The following WSCD2 variants were observed in gnomAD, a reference collection of about 807,000 sequenced individuals.
WSCD2 encodes the protein sialate:O-sulfotransferase 2.
A neutral mutation model predicts 55.7 loss-of-function variants in WSCD2; 28 were observed. The observed-to-expected ratio is 0.50, with a 90% CI of 0.37 to 0.69. The LOEUF (loss-of-function observed/expected upper bound fraction) is 0.69, where lower values mean the gene tolerates loss of function less well. Ranked by LOEUF, WSCD2 falls within the 30% of genes least tolerant of loss-of-function variation. WSCD2 has a pLI of 0.00. For synonymous variants in WSCD2, 301 were observed against 301.9 expected, an observed-to-expected ratio of 1.00 and a Z score of 0.03; for missense variants, 616 against 762.1, an observed-to-expected ratio of 0.81 and a Z score of 2.26.
chr12:108,204,955 T>C (rs1310917665), intron 2 of WSCD2, among the ~76,000 whole-genome samples: 1 of 152,214 alleles, frequency 6.6e-6, no homozygotes, highest in Non-Finnish European at 1.5e-5. Flanking sequence ...TCATTCCCTA[T>C]AAGGGACATT....
intron 2 of WSCD2, chr12:108,196,936 GAAGGGAAGACAC>G: frequency 6.6e-6 from 1 of 152,398 alleles, no homozygotes; most frequent in Non-Finnish European, 1.5e-5. Context: ...GAGGCTTGAA[GAAGGGAAGACAC>G]TTGCCCAAAG....
intron 6 of WSCD2, among the ~76,000 whole-genome samples, chr12:108,228,613 G>C (rs1888396408): frequency 6.6e-6 from 1 of 152,230 alleles, no homozygotes. Flanking sequence ...ACAGCCAACA[G>C]AAAAAGTGGT....
intron 7 of WSCD2, 145 bp downstream of exon 7, chr12:108,233,040 G>A: frequency 1.8e-6 from 2 of 1,095,178 alleles, no homozygotes; most frequent in East Asian, 2.6e-5. Context: ...CTCACTGCAT[G>A]CTTGGTACCC....
intron 1 of WSCD2, among the ~76,000 whole-genome samples, chr12:108,187,651 G>A (rs1882673414): frequency 6.6e-6 from 1 of 152,228 alleles, no homozygotes; most frequent in Admixed American, 6.5e-5. Context: ...CTGTCACATA[G>A]TTGGTGCTCA....
At chr12:108,241,448 A>C (rs1289244063) in intron 8 of WSCD2, among the ~76,000 whole-genome samples, 1 of 152,202 alleles carries the variant, frequency 6.6e-6, no homozygotes, top group Non-Finnish European at 1.5e-5. Flanking sequence ...ACATCTACTG[A>C]GGGCTTCGGA....
intron 7 of WSCD2, among the ~76,000 whole-genome samples, chr12:108,239,825 C>G (rs566597704): frequency 6.0e-4 from 91 of 152,306 alleles, no homozygotes; most frequent in African/African-American, 2.1e-3. Context: ...GCAATCCTCC[C>G]GCTTCAGCCC....
chr12:108,186,145 T>C (rs1882457988), intron 1 of WSCD2, among the ~76,000 whole-genome samples: 1 of 152,232 alleles, frequency 6.6e-6, no homozygotes. Flanking sequence ...TTCGTTGACA[T>C]GTACCTCAGT....
At chr12:108,182,743 C>T (rs1881951136) in intron 1 of WSCD2, among the ~76,000 whole-genome samples, 1 of 152,184 alleles carries the variant, frequency 6.6e-6, no homozygotes, top group Non-Finnish European at 1.5e-5. Flanking sequence ...GGAGATATTT[C>T]ACCTTTTATC....
At chr12:108,141,068 T>C (rs986843680) in intron 1 of WSCD2, among the ~76,000 whole-genome samples, 2 of 152,200 alleles carry the variant, frequency 1.3e-5, no homozygotes, top group Non-Finnish European at 2.9e-5. Flanking sequence ...TGTTTCTTTA[T>C]TTTTTAGAGA....
intron 7 of WSCD2, 164 bp downstream of exon 7, chr12:108,233,059 T>G (rs1378609329): frequency 2.4e-6 from 2 of 840,758 alleles, no homozygotes; most frequent in Non-Finnish European, 3.6e-6. Flanking sequence ...CCCCCCACCT[T>G]CCTTTATGCC....
intron 1 of WSCD2, among the ~76,000 whole-genome samples, chr12:108,192,971 A>ACAACTCAT (rs1883377950): frequency 6.6e-6 from 1 of 151,892 alleles, no homozygotes; most frequent in Non-Finnish European, 1.5e-5. Flanking sequence ...AGTTGTCATG[A>ACAACTCAT]GATCCTCAAA....
Position 108,214,888 on chromosome 12 carries a change from C to T in WSCD2, c.682+4583C>T, listed in dbSNP as rs78279494. Among the ~76,000 whole-genome samples, 731 of 152,228 alleles carry T rather than the reference C, an allele frequency of 4.8e-3. 5 individuals carry two copies. Among genetic ancestry groups the T allele is most frequent in the African/African-American group, 0.015 (640 of 41,542 alleles). On this transcript the variant is annotated intron_variant, in intron 4 of 8. Coordinates refer to ENST00000547525, the MANE Select transcript of WSCD2 (RefSeq NM_014653.4). ...GGTTTTTGTGTACTGTTGTTAATTC[C>T]GGCAATTTTTTGTCTCCCAAAGTTA...
rs1883857958 is a variant in WSCD2, at chr12:108,195,934, C to T, written c.102C>T (p.Phe34=). 1 of 1,614,066 alleles carries T rather than the reference C, an allele frequency of 6.2e-7. No homozygotes were observed. Among genetic ancestry groups the T allele is most frequent in the Non-Finnish European group, 8.5e-7 (1 of 1,180,036 alleles). ...ACCTGACTGCTGGGAGCCTTGTCTT[C>T]CTTCACTCTGGCTTTGTGGGCCAGC... ...ALYLTAGSLV[F]LHSGFVGQPA... Residue 34 remains phenylalanine (F), a synonymous_variant, in exon 2 of 9, where the codon TTC becomes TTT. Transcript: ENST00000547525.
intron 1 of WSCD2, among the ~76,000 whole-genome samples, chr12:108,173,822 G>C (rs1003774166): frequency 2.1e-4 from 32 of 149,618 alleles, no homozygotes; most frequent in South Asian, 1.7e-3. Context: ...GTGTGTGTGT[G>C]TGTGTGTGTG....
At chr12:108,160,871 C>T (rs1878987820) in intron 1 of WSCD2, among the ~76,000 whole-genome samples, 1 of 152,182 alleles carries the variant, frequency 6.6e-6, no homozygotes, top group Admixed American at 6.5e-5. Flanking sequence ...CATTCAAATC[C>T]CAGCTCTGAC....
intron 1 of WSCD2, among the ~76,000 whole-genome samples, chr12:108,164,967 G>A (rs923633340): frequency 6.6e-5 from 10 of 152,284 alleles, no homozygotes; most frequent in Non-Finnish European, 1.2e-4. Context: ...CTTGCTGCCC[G>A]ATGCACATAA....
At position 108,224,708 on chromosome 12, in the gene WSCD2, C is replaced by T. The variant is rs372165890; in HGVS notation, c.683-31C>T. 28 of 1,601,348 alleles carry T rather than the reference C, an allele frequency of 1.7e-5. 1 individual carries two copies. The highest frequency in any genetic ancestry group is 8.9e-5 in the East Asian group (4 of 44,816). Reference sequence around the variant, plus strand: ...CAACCAGATCTGACTCCTTGTATATCTGACTAGTCCTCTTCTCTCTGGCTC... The same window carrying T: ...CAACCAGATCTGACTCCTTGTATATTTGACTAGTCCTCTTCTCTCTGGCTC... On this transcript the variant is annotated intron_variant, in intron 4 of 8. Coordinates refer to ENST00000547525, the MANE Select transcript of WSCD2 (RefSeq NM_014653.4).
intron 1 of WSCD2, among the ~76,000 whole-genome samples, chr12:108,133,060 T>C (rs1875781755): frequency 6.6e-6 from 1 of 152,208 alleles, no homozygotes; most frequent in Non-Finnish European, 1.5e-5. Context: ...TGTGTATACA[T>C]GTGTGTTTCT....
intron 1 of WSCD2, among the ~76,000 whole-genome samples, chr12:108,185,559 C>T (rs889095337): frequency 2.0e-5 from 3 of 152,140 alleles, no homozygotes; most frequent in Non-Finnish European, 4.4e-5. Context: ...TTTCAGTGAC[C>T]CCACAGTGAG....
Sources: allele counts gnomAD v4.1 joint callset (sites outside exome capture counted in the v4.1 genomes callset), GRCh38; gene constraint gnomAD v4.1.1; transcripts MANE v1.5; gene names NCBI Gene and HGNC (gene_info 2026-07-23, HGNC 2026-07-21).